BICD1: variants seen among roughly 807,000 people sequenced by gnomAD.
BICD1 encodes protein bicaudal D homolog 1.
BICD1 carries 35 observed loss-of-function variants against 92.5 expected under a neutral mutation model. The observed-to-expected ratio is 0.38, with a 90% CI of 0.29 to 0.50. BICD1 has a LOEUF of 0.50. Among genes scored for constraint, BICD1 ranks in the 20% least tolerant of loss-of-function variants. The pLI is 0.93. For missense variants in BICD1, 950 were observed against 1,189.8 expected (o/e 0.80, Z 2.97); for synonymous variants, 429 against 465.1 (o/e 0.92, Z 1.00).
intron 2 of BICD1, among the ~76,000 whole-genome samples, chr12:32,241,134 G>A (rs1946225407): frequency 6.6e-6 from 1 of 152,176 alleles, no homozygotes; most frequent in Admixed American, 6.5e-5. Context: ...ATGTGTACGT[G>A]CAGAAAGTCA....
chr12:32,285,379 G>C (rs1328461981), intron 2 of BICD1, among the ~76,000 whole-genome samples: 3 of 152,066 alleles, frequency 2.0e-5, no homozygotes, highest in Non-Finnish European at 4.4e-5. Flanking sequence ...ATAGTAAACA[G>C]GGGTTTGTTA....
chr12:32,332,419 T>A (rs1937919361), intron 5 of BICD1: 1 of 982,212 alleles, frequency 1.0e-6, no homozygotes, highest in South Asian at 4.7e-5. Context: ...GTAGTCTCTA[T>A]GAATCTTCTC....
chr12:32,267,994 G>T, intron 2 of BICD1, among the ~76,000 whole-genome samples: 1 of 151,998 alleles, frequency 6.6e-6, no homozygotes, highest in African/African-American at 2.4e-5. Context: ...TTGAAGAAAT[G>T]GTGTCTTACT....
At chr12:32,109,462 T>C (rs546062284) in intron 1 of BICD1, 2 of 152,288 alleles carry the variant, frequency 1.3e-5, no homozygotes, top group African/African-American at 4.8e-5. Flanking sequence ...AAAAACGTTT[T>C]GTAGGAATAA....
chr12:32,197,390 G>T (rs1254397174), intron 1 of BICD1, among the ~76,000 whole-genome samples: 1 of 152,176 alleles, frequency 6.6e-6, no homozygotes, highest in East Asian at 1.9e-4. Context: ...CATTGGCAGG[G>T]TTATGAGTTG....
intron 9 of BICD1, among the ~76,000 whole-genome samples, chr12:32,368,460 C>T (rs764123352): frequency 9.2e-5 from 14 of 152,130 alleles, no homozygotes; most frequent in Non-Finnish European, 1.5e-4. Context: ...TGTGGAAGGC[C>T]GAGGCAGAGG....
chr12:32,133,938 C>A (rs572991297), intron 1 of BICD1, among the ~76,000 whole-genome samples: 1 of 151,938 alleles, frequency 6.6e-6, no homozygotes, highest in African/African-American at 2.4e-5. Context: ...CCTGCCACCA[C>A]GCCTGGCTAA....
In BICD1 at chr12:32,339,792, A is replaced by G. The variant is rs995912014; in HGVS notation, c.2764+813A>G. On this transcript the variant is annotated intron_variant, in intron 8 of 9. Coordinates refer to ENST00000652176, the MANE Select transcript of BICD1 (RefSeq NM_001714.4). ...GCAGCTGTTATTTGACTATTGCCAG[A>G]AAATAAAAAATAAAACTATTTAAGT... 4 of 985,098 alleles carry G rather than the reference A, an allele frequency of 4.1e-6. No individual in the cohort carries two copies. The African/African-American group carries it at 7.0e-5, about 17-fold the overall frequency. The allele number at this position is 985,098 out of a possible 1,614,324, so 61.0% of individuals were successfully genotyped here.
Position 32,346,624 on chromosome 12 carries a change from ATATATATATACGTG to A in BICD1, c.2764+7656_2764+7669del, listed in dbSNP as rs1169490698. On this transcript the variant is annotated intron_variant, in intron 8 of 9. Coordinates refer to ENST00000652176, the MANE Select transcript of BICD1 (RefSeq NM_001714.4). ...TATATATATATATACGTGTATATAT[ATATATATATACGTG>A]TATATATATATATATATATACACAC... Among the ~76,000 whole-genome samples the A allele has an allele frequency of 1.7e-3, 31 of 18,328 alleles. 3 individuals carry two copies. Among genetic ancestry groups the A allele is most frequent in the African/African-American group, 8.6e-3 (31 of 3,588 alleles). The allele number at this position is 18,328 out of a possible 152,430, so 12.0% of individuals were successfully genotyped here.
At chr12:32,340,629 T>C in intron 8 of BICD1, 1 of 619,224 alleles carries the variant, frequency 1.6e-6, no homozygotes, top group Non-Finnish European at 2.0e-6. Context: ...CATTTTTGTA[T>C]GACTGGTTTT....
chr12:32,286,025 T>A (rs1277035637), intron 2 of BICD1, among the ~76,000 whole-genome samples: 1 of 152,232 alleles, frequency 6.6e-6, no homozygotes, highest in Non-Finnish European at 1.5e-5. Flanking sequence ...TTGTGTCTGT[T>A]CATCTCAGTG....
intron 8 of BICD1, chr12:32,339,281 G>C: frequency 9.4e-7 from 1 of 1,063,376 alleles, no homozygotes; most frequent in South Asian, 4.1e-5. Flanking sequence ...CCTATTTGCA[G>C]TTTGGTAGCT....
At chr12:32,265,683 T>A (rs1411876049) in intron 2 of BICD1, among the ~76,000 whole-genome samples, 1 of 149,160 alleles carries the variant, frequency 6.7e-6, no homozygotes, top group African/African-American at 2.5e-5. Flanking sequence ...ATTGTGCCAC[T>A]GCATTCAGCC....
At chr12:32,277,287 G>T (rs147948027) in intron 2 of BICD1, among the ~76,000 whole-genome samples, 2 of 152,114 alleles carry the variant, frequency 1.3e-5, no homozygotes, top group Non-Finnish European at 2.9e-5. Context: ...CCAGCTACTC[G>T]GGAGGCTGAG....
chr12:32,136,639 A>G (rs1276090748), intron 1 of BICD1, among the ~76,000 whole-genome samples: 1 of 152,170 alleles, frequency 6.6e-6, no homozygotes, highest in Non-Finnish European at 1.5e-5. Context: ...GACAGCAGCT[A>G]AGGCAGGTTG....
At chr12:32,137,408 A>G (rs1942770185) in intron 1 of BICD1, among the ~76,000 whole-genome samples, 2 of 152,082 alleles carry the variant, frequency 1.3e-5, no homozygotes, top group African/African-American at 4.8e-5. Context: ...TTGTTTTTAT[A>G]AGCAAATTAT....
intron 9 of BICD1, among the ~76,000 whole-genome samples, chr12:32,374,206 T>G (rs998936753): frequency 6.7e-6 from 1 of 149,822 alleles, no homozygotes; most frequent in Admixed American, 6.7e-5. Context: ...AAAGTGAGAT[T>G]CTGCTCAAAA....
intron 3 of BICD1, among the ~76,000 whole-genome samples, chr12:32,296,348 C>T (rs903715741): frequency 6.9e-6 from 1 of 145,414 alleles, no homozygotes; most frequent in African/African-American, 2.6e-5. Flanking sequence ...ACCTCTGCCT[C>T]CTGGGTTCAA....
At chr12:32,259,068 C>A (rs146309081) in intron 2 of BICD1, among the ~76,000 whole-genome samples, 147 of 152,286 alleles carry the variant, frequency 9.7e-4, no homozygotes, top group African/African-American at 3.2e-3. Flanking sequence ...GACCAGGGAG[C>A]CCTCAAGTGG....
Sources: allele counts gnomAD v4.1 joint callset (sites outside exome capture counted in the v4.1 genomes callset), GRCh38; gene constraint gnomAD v4.1.1; transcripts MANE v1.5; gene names NCBI Gene and HGNC (gene_info 2026-07-23, HGNC 2026-07-21).